The following ADGRL3 variants were observed in gnomAD, a reference collection of about 807,000 sequenced individuals.
The protein encoded by ADGRL3 is calcium-independent alpha-latrotoxin receptor 3.
Under a neutral mutation model 153.5 loss-of-function variants are expected in ADGRL3, and 62 were observed. The observed-to-expected ratio is 0.40, with a 90% confidence interval of 0.33 to 0.50. ADGRL3 has a LOEUF of 0.50. Ranked by LOEUF, ADGRL3 falls within the 20% of genes least tolerant of loss-of-function variation. The probability of loss-of-function intolerance (pLI) is 0.47; values close to 1 mark genes in which losing one functional copy is unlikely to be tolerated. For synonymous variants in ADGRL3, 710 were observed against 672.5 expected (o/e 1.06, Z -0.86); for missense variants, 1,641 against 1,859.4 (o/e 0.88, Z 2.16).
chr4:61,316,006 T>C (rs779168038), intron 1 of ADGRL3, among the ~76,000 whole-genome samples: 4 of 152,172 alleles, frequency 2.6e-5, no homozygotes, highest in Non-Finnish European at 5.9e-5. Flanking sequence ...ACAAATTTGT[T>C]CCATGTTCTC....
At position 62,072,745 on chromosome 4, in the gene ADGRL3, ATGCTTAC is replaced by A. The variant is rs2151942763; in HGVS notation, c.*1838_*1844del. The A allele has an allele frequency of 6.6e-6, 1 of 152,286 alleles. No homozygotes were observed. Among genetic ancestry groups the A allele is most frequent in the East Asian group, 1.9e-4 (1 of 5,178 alleles). The allele number at this position is 152,286 out of a possible 1,614,324, so 9.4% of individuals were successfully genotyped here. On this transcript the variant is annotated 3_prime_UTR_variant, in exon 27 of 27. Coordinates refer to ENST00000683033, the MANE Select transcript of ADGRL3 (RefSeq NM_001387552.1). ...TATCTATAAACCAGCTGCAGTCACTATGCTTACCTTTAAAACCAGATTCAATCAGAGA... is the reference window on the plus strand; with the variant it reads ...TATCTATAAACCAGCTGCAGTCACTACTTTAAAACCAGATTCAATCAGAGA...
At chr4:61,436,137 A>G (rs1053324397) in intron 2 of ADGRL3, among the ~76,000 whole-genome samples, 1 of 152,126 alleles carries the variant, frequency 6.6e-6, no homozygotes, top group African/African-American at 2.4e-5. Flanking sequence ...ATTTTTGTGA[A>G]TAAACTATAG....
At chr4:61,554,292 C>T (rs1050592143) in intron 4 of ADGRL3, among the ~76,000 whole-genome samples, 11 of 151,784 alleles carry the variant, frequency 7.2e-5, no homozygotes, top group Admixed American at 2.6e-4. Flanking sequence ...CTCCCAGGTT[C>T]AAGTGATTCT....
rs1438628952 is a variant in ADGRL3, at chr4:61,390,152, T to C, written c.-174+6963T>C. 3.3e-5 allele frequency among the ~76,000 whole-genome samples: 5 copies of C among 152,196 alleles called. No individual in the cohort carries two copies. In the East Asian group the frequency reaches 9.6e-4, roughly 29 times the overall value. On this transcript the variant is annotated intron_variant, in intron 2 of 26. Transcript: ENST00000683033. ...GACTAATTTTAAAATTTAGTTATTT[T>C]AAAATAAATGTTTATTACTAGATTT...
intron 1 of ADGRL3, among the ~76,000 whole-genome samples, chr4:61,276,366 T>C (rs2093461074): frequency 6.6e-6 from 1 of 152,182 alleles, no homozygotes; most frequent in Admixed American, 6.6e-5. Flanking sequence ...GCAGTATAGA[T>C]AATATATCTT....
intron 9 of ADGRL3, among the ~76,000 whole-genome samples, chr4:61,853,808 A>G (rs1253376002): frequency 6.6e-6 from 1 of 152,204 alleles, no homozygotes; most frequent in Non-Finnish European, 1.5e-5. Flanking sequence ...GTCCCAAAAG[A>G]CAGGTTTCAT....
chr4:61,566,090 G>A (rs931367970), intron 4 of ADGRL3, among the ~76,000 whole-genome samples: 1 of 152,150 alleles, frequency 6.6e-6, no homozygotes, highest in Non-Finnish European at 1.5e-5. Flanking sequence ...GTTTGCTAGA[G>A]CCACCTTAAC....
chr4:61,905,306 A>G (rs1356757986), intron 11 of ADGRL3, among the ~76,000 whole-genome samples: 1 of 152,214 alleles, frequency 6.6e-6, no homozygotes, highest in African/African-American at 2.4e-5. Flanking sequence ...ACTGAATTTT[A>G]GAATGCGTTA....
At chr4:61,447,136 T>G (rs544156034) in intron 2 of ADGRL3, among the ~76,000 whole-genome samples, 1 of 152,182 alleles carries the variant, frequency 6.6e-6, no homozygotes, top group East Asian at 1.9e-4. Flanking sequence ...TGTTTTCTAA[T>G]CTTCTCATAA....
intron 6 of ADGRL3, among the ~76,000 whole-genome samples, chr4:61,702,961 G>A (rs953308124): frequency 1.3e-5 from 2 of 152,044 alleles, no homozygotes; most frequent in Non-Finnish European, 1.5e-5. Context: ...GTAATGAGGA[G>A]CCATCTCTTC....
intron 4 of ADGRL3, among the ~76,000 whole-genome samples, chr4:61,572,166 T>A (rs1189203102): frequency 6.6e-6 from 1 of 152,174 alleles, no homozygotes; most frequent in African/African-American, 2.4e-5. Flanking sequence ...GTAATAGATT[T>A]ATATTATGGT....
At chr4:61,229,996 T>C (rs544834823) in intron 1 of ADGRL3, among the ~76,000 whole-genome samples, 1 of 152,288 alleles carries the variant, frequency 6.6e-6, no homozygotes, top group African/African-American at 2.4e-5. Context: ...TTTCAGTATC[T>C]GATTTTTAAG....
At chr4:61,884,691 C>T (rs2098527281) in intron 9 of ADGRL3, among the ~76,000 whole-genome samples, 1 of 151,956 alleles carries the variant, frequency 6.6e-6, no homozygotes, top group Non-Finnish European at 1.5e-5. Context: ...ATGGCGCGAT[C>T]TTGGCTCACT....
chr4:61,907,623 C>T (rs1301787327), intron 11 of ADGRL3, among the ~76,000 whole-genome samples: 1 of 149,956 alleles, frequency 6.7e-6, no homozygotes, highest in African/African-American at 2.5e-5. Flanking sequence ...TATACATACA[C>T]ATATATATAT....
chr4:61,427,535 T>C (rs145596806), intron 2 of ADGRL3: 527 of 153,288 alleles, frequency 3.4e-3, no homozygotes, highest in Non-Finnish European at 6.1e-3. Flanking sequence ...TTTATGCAAG[T>C]CAGTTGGGGT....
intron 8 of ADGRL3, among the ~76,000 whole-genome samples, chr4:61,780,385 T>C (rs1327531573): frequency 1.3e-5 from 2 of 152,170 alleles, no homozygotes; most frequent in Non-Finnish European, 2.9e-5. Flanking sequence ...GATCTGTTCA[T>C]ATGTTGGAGG....
intron 2 of ADGRL3, among the ~76,000 whole-genome samples, chr4:61,470,080 T>C (rs1440104446): frequency 6.6e-6 from 1 of 151,960 alleles, no homozygotes; most frequent in African/African-American, 2.4e-5. Flanking sequence ...CTTTTTAAAA[T>C]TATCCACGTA....
intron 8 of ADGRL3, among the ~76,000 whole-genome samples, chr4:61,788,090 A>T (rs564808632): frequency 1.3e-5 from 2 of 152,202 alleles, no homozygotes; most frequent in African/African-American, 2.4e-5. Flanking sequence ...TTGTGCTGCT[A>T]TAACCATTAG....
chr4:61,390,691 T>G (rs1397219262), intron 2 of ADGRL3, among the ~76,000 whole-genome samples: 1 of 152,214 alleles, frequency 6.6e-6, no homozygotes, highest in Non-Finnish European at 1.5e-5. Context: ...AGTCTTTTTG[T>G]TTGTATGCTT....
Sources: allele counts gnomAD v4.1 joint callset (sites outside exome capture counted in the v4.1 genomes callset), GRCh38; gene constraint gnomAD v4.1.1; transcripts MANE v1.5; gene names NCBI Gene and HGNC (gene_info 2026-07-23, HGNC 2026-07-21).